PLEKHG1: variants seen among roughly 807,000 people sequenced by gnomAD.
PLEKHG1 encodes the protein pleckstrin homology and RhoGEF domain containing G1.
A neutral mutation model predicts 100.8 loss-of-function variants in PLEKHG1; 44 were observed. The observed-to-expected ratio is 0.44, with a 90% CI of 0.34 to 0.56. PLEKHG1 has a LOEUF of 0.56. Among genes scored for constraint, PLEKHG1 ranks in the 20% least tolerant of loss-of-function variants. The probability of loss-of-function intolerance (pLI) is 0.01; values close to 1 mark genes in which losing one functional copy is unlikely to be tolerated. For synonymous variants in PLEKHG1, 640 were observed against 662.5 expected, an observed-to-expected ratio of 0.97 and a Z score of 0.52; for missense variants, 1,545 against 1,720.9, an observed-to-expected ratio of 0.90 and a Z score of 1.81.
At position 150,760,419 on chromosome 6, in the gene PLEKHG1, G is replaced by A. The variant is rs193146693; in HGVS notation, c.412-8219G>A. Among the ~76,000 whole-genome samples the A allele has an allele frequency of 1.8e-3, 276 of 152,308 alleles. 1 individual carries two copies. Among genetic ancestry groups the A allele is most frequent in the Admixed American group, 3.7e-3 (56 of 15,294 alleles). ...GGAAGACAAAGTTGTAGGAAAGGAAGTCAACTGGAGGGATCATTCTCAAAG... is the reference window on the plus strand; with the variant it reads ...GGAAGACAAAGTTGTAGGAAAGGAAATCAACTGGAGGGATCATTCTCAAAG... On this transcript the variant is annotated intron_variant, in intron 2 of 15. Coordinates refer to ENST00000358517, the Ensembl canonical transcript of PLEKHG1.
At chr6:150,832,085 C>A in exon 15 of PLEKHG1, 1 of 1,614,094 alleles carries the variant, frequency 6.2e-7, no homozygotes, top group South Asian at 1.1e-5. Context: ...GAAGGCGAAT[C>A]AACTTTTAAA....
chr6:150,722,181 C>T (rs893828679), intron 1 of PLEKHG1, among the ~76,000 whole-genome samples: 4 of 151,784 alleles, frequency 2.6e-5, no homozygotes, highest in African/African-American at 4.8e-5. Flanking sequence ...TTTAAACTAC[C>T]CATTTTACTC....
rs544477224 is a variant in PLEKHG1 at position 150,604,355 on chromosome 6, G to A, written c.-204+4338G>A. 3.3e-5 allele frequency among the ~76,000 whole-genome samples: 5 copies of A among 152,254 alleles called. No homozygotes were observed. In the East Asian group the frequency reaches 7.7e-4, roughly 23 times the overall value. On this transcript the variant is annotated intron_variant, in intron 1 of 3. Coordinates refer to the PLEKHG1 transcript ENST00000367326. ...ACGTAAAGTCCTAGGTGAGGGGATG[G>A]CAAGTCTTTTCCTGTAAAAATCCAG...
intron 2 of PLEKHG1, among the ~76,000 whole-genome samples, chr6:150,758,391 C>T (rs983390148): frequency 2.5e-4 from 37 of 150,854 alleles, no homozygotes; most frequent in Non-Finnish European, 4.4e-4. Context: ...GGTTGGAGTG[C>T]AATGGCACGA....
At chr6:150,817,554 ATTTTTT>A (rs774464059) in intron 10 of PLEKHG1, among the ~76,000 whole-genome samples, 1 of 115,570 alleles carries the variant, frequency 8.7e-6, no homozygotes, top group African/African-American at 3.6e-5. Flanking sequence ...AAGAATCTGC[ATTTTTT>A]TTTTTTTTTT....
intron 2 of PLEKHG1, among the ~76,000 whole-genome samples, chr6:150,645,944 A>G (rs1451798514): frequency 1.3e-5 from 2 of 152,262 alleles, no homozygotes; most frequent in Admixed American, 1.3e-4. Flanking sequence ...CATTGCTTTT[A>G]GTAGGAATAA....
intron 1 of PLEKHG1, among the ~76,000 whole-genome samples, chr6:150,722,825 T>A (rs1405503156): frequency 6.6e-6 from 1 of 152,180 alleles, no homozygotes; most frequent in Non-Finnish European, 1.5e-5. Context: ...TGGAACTGAG[T>A]GCGTTCCATA....
At chr6:150,822,587 T>TCTA (rs1480440782) in intron 13 of PLEKHG1, among the ~76,000 whole-genome samples, 8 of 152,238 alleles carry the variant, frequency 5.3e-5, no homozygotes, top group African/African-American at 1.9e-4. Context: ...AATGGAATAT[T>TCTA]CTACAGCTGT....
chr6:150,764,243 G>A (rs938054851), intron 2 of PLEKHG1, among the ~76,000 whole-genome samples: 36 of 151,510 alleles, frequency 2.4e-4, no homozygotes, highest in Non-Finnish European at 2.4e-4. Flanking sequence ...TCAGCCTCCC[G>A]AGTAGCTGAG....
intron 7 of PLEKHG1, among the ~76,000 whole-genome samples, chr6:150,805,234 C>T (rs1239153851): frequency 6.6e-6 from 1 of 152,068 alleles, no homozygotes; most frequent in Non-Finnish European, 1.5e-5. Context: ...CACACCCGGC[C>T]GACATTATAA....
At chr6:150,842,799 C>T (rs1777585444) in exon 16 of PLEKHG1, 1 of 152,134 alleles carries the variant, frequency 6.6e-6, no homozygotes, top group Non-Finnish European at 1.5e-5. Flanking sequence ...CTGCAGCCTC[C>T]ACCTCCCCGG....
chr6:150,620,916 C>G (rs1248354429), intron 1 of PLEKHG1, among the ~76,000 whole-genome samples: 2 of 152,130 alleles, frequency 1.3e-5, no homozygotes, highest in Non-Finnish European at 2.9e-5. Context: ...TAGGAACACC[C>G]AAATAAAACT....
intron 6 of PLEKHG1, among the ~76,000 whole-genome samples, chr6:150,802,157 A>G (rs985062688): frequency 1.3e-5 from 2 of 152,112 alleles, no homozygotes; most frequent in South Asian, 2.1e-4. Flanking sequence ...AACTTTGTCC[A>G]TCTTTACTAG....
At chr6:150,674,621 TCTCTCTCCTCC>T (rs1562427322) in intron 3 of PLEKHG1, among the ~76,000 whole-genome samples, 1 of 127,990 alleles carries the variant, frequency 7.8e-6, no homozygotes, top group Non-Finnish European at 1.7e-5. Flanking sequence ...TGTAACTTTC[TCTCTCTCCTCC>T]CTCTCTCTCT....
rs1272612595 is a variant in PLEKHG1 at position 150,761,208 on chromosome 6, C to T, written c.412-7430C>T. On this transcript the variant is annotated intron_variant, in intron 2 of 15. Coordinates refer to ENST00000358517, the Ensembl canonical transcript of PLEKHG1. ...GCAACCTCCACCTCCTGGGTTCAAG[C>T]GATTCTCCTGCCTCGGCCTCCCAAG... Among the ~76,000 whole-genome samples the T allele has an allele frequency of 6.1e-5, 9 of 147,174 alleles. No individual in the cohort carries two copies. The East Asian group carries it at 1.0e-3, about 16-fold the overall frequency.
chr6:150,689,742 C>T (rs1341158448), intron 3 of PLEKHG1, among the ~76,000 whole-genome samples: 2 of 151,736 alleles, frequency 1.3e-5, no homozygotes, highest in Admixed American at 6.6e-5. Context: ...GTAATGCCAG[C>T]TACACAGGAG....
Position 150,626,652 on chromosome 6 carries a change from T to C in PLEKHG1, c.-203-11428T>C, listed in dbSNP as rs547206519. Among the ~76,000 whole-genome samples, 8 of 152,252 alleles carry C rather than the reference T, an allele frequency of 5.3e-5. No individual in the cohort carries two copies. The East Asian group carries it at 1.5e-3, about 29-fold the overall frequency. ...GGTTCATTCATGACACCACCCAAGA[T>C]AAGTAAAGCTCTTTGGGGAGGTGCG... On this transcript the variant is annotated intron_variant, in intron 1 of 3. Coordinates refer to the PLEKHG1 transcript ENST00000367326.
intron 3 of PLEKHG1, among the ~76,000 whole-genome samples, chr6:150,680,316 A>G (rs1167519002): frequency 6.6e-6 from 1 of 152,238 alleles, no homozygotes; most frequent in Non-Finnish European, 1.5e-5. Flanking sequence ...GATGGAAAAA[A>G]GGTGGAAAGG....
At chr6:150,747,601 A>C (rs183692867) in intron 2 of PLEKHG1, among the ~76,000 whole-genome samples, 13 of 152,054 alleles carry the variant, frequency 8.5e-5, no homozygotes, top group African/African-American at 3.1e-4. Flanking sequence ...CAGAATTAAC[A>C]ACAACTTTTG....
Sources: allele counts gnomAD v4.1 joint callset (sites outside exome capture counted in the v4.1 genomes callset), GRCh38; gene constraint gnomAD v4.1.1; transcripts MANE v1.5; gene names NCBI Gene and HGNC (gene_info 2026-07-23, HGNC 2026-07-21).